Variants in SNTB1 observed in about 807,000 individuals in gnomAD.
The protein encoded by SNTB1 is syntrophin beta 1.
SNTB1 carries 36 observed loss-of-function variants against 48.9 expected under a neutral mutation model. The observed-to-expected ratio is 0.74, with a 90% CI of 0.56 to 0.97. The LOEUF (loss-of-function observed/expected upper bound fraction) is 0.97. Among genes scored for constraint, SNTB1 ranks in the 50% least tolerant of loss-of-function variants. The pLI is 0.00. For missense variants in SNTB1, 786 were observed against 703.4 expected, an observed-to-expected ratio of 1.12 and a Z score of -1.33; for synonymous variants, 299 against 294.6, an observed-to-expected ratio of 1.01 and a Z score of -0.15.
Position 120,732,863 on chromosome 8 carries a change from A to C in SNTB1, c.572-38955T>G, listed in dbSNP as rs187723907. Among the ~76,000 whole-genome samples the C allele has an allele frequency of 9.8e-4, 150 of 152,320 alleles. 1 individual carries two copies. Among genetic ancestry groups the C allele is most frequent in the African/African-American group, 3.5e-3 (144 of 41,578 alleles). On this transcript the variant is annotated intron_variant, in intron 1 of 6. Transcript: ENST00000517992. ...AGACACCATCTAAAAAACAAAAAGA[A>C]AGAAAAGAAAGAAAGGACATGATAG...
chr8:120,811,334 G>T lies in SNTB1; in HGVS notation c.510C>A (p.Asp170Glu), dbSNP rs145573772. The T allele has an allele frequency of 3.3e-5, 54 of 1,611,978 alleles. No homozygotes were observed. The highest frequency in any genetic ancestry group is 4.2e-5 in the Non-Finnish European group (50 of 1,179,774). The part of the protein sequence containing the change: ...ILSVNGADLR[D>E]ATHDEAVQAL... Reference sequence around the variant, plus strand: ...CCTGCACCGCCTCGTCGTGGGTGGCGTCCCGCAGGTCGGCTCCGTTCACGG... The same window carrying T: ...CCTGCACCGCCTCGTCGTGGGTGGCTTCCCGCAGGTCGGCTCCGTTCACGG... Residue 170 changes from aspartate (D) to glutamate (E), a missense_variant, in exon 1 of 7, where the codon GAC becomes GAA. Coordinates refer to ENST00000517992, the MANE Select transcript of SNTB1 (RefSeq NM_021021.4).
intron 3 of SNTB1, among the ~76,000 whole-genome samples, chr8:120,578,447 T>C (rs964271423): frequency 6.6e-6 from 1 of 152,186 alleles, no homozygotes; most frequent in African/African-American, 2.4e-5. Context: ...CCAAAGGTAT[T>C]CTGATATGAA....
intron 1 of SNTB1, among the ~76,000 whole-genome samples, chr8:120,702,217 C>T (rs1186941483): frequency 1.3e-5 from 2 of 152,160 alleles, no homozygotes; most frequent in African/African-American, 4.8e-5. Flanking sequence ...CCTGTTGCGG[C>T]ACAGGGTGGA....
chr8:120,550,380 A>T (rs971363447), intron 4 of SNTB1, among the ~76,000 whole-genome samples: 2 of 152,010 alleles, frequency 1.3e-5, no homozygotes, highest in Non-Finnish European at 2.9e-5. Flanking sequence ...CGTCTCTACT[A>T]AAAATACAAA....
chr8:120,564,563 GGTTTT>G (rs1563818434), intron 4 of SNTB1, among the ~76,000 whole-genome samples: 1 of 36,236 alleles, frequency 2.8e-5, no homozygotes, highest in African/African-American at 7.8e-5. Flanking sequence ...CTATTATTCT[GGTTTT>G]TTTTTTTTTT....
chr8:120,597,327 A>G (rs141687249), intron 3 of SNTB1, among the ~76,000 whole-genome samples: 2 of 152,298 alleles, frequency 1.3e-5, no homozygotes, highest in African/African-American at 4.8e-5. Context: ...GAGAGAATAA[A>G]TTTCTGTTTT....
At chr8:120,672,181 C>T (rs367712414) in intron 2 of SNTB1, among the ~76,000 whole-genome samples, 7 of 152,094 alleles carry the variant, frequency 4.6e-5, no homozygotes, top group Admixed American at 3.3e-4. Flanking sequence ...TAAGCTATGA[C>T]GTTCAGTAGG....
chr8:120,573,606 T>C (rs6999024), intron 4 of SNTB1, among the ~76,000 whole-genome samples: 32,185 of 152,142 alleles, frequency 0.21, 3,528 homozygotes, highest in Middle Eastern at 0.3. Context: ...CAATAAATCA[T>C]TGCCAAGGCC....
chr8:120,806,822 TAAATA>T (rs1414553616), intron 1 of SNTB1, among the ~76,000 whole-genome samples: 5 of 152,224 alleles, frequency 3.3e-5, no homozygotes, highest in Non-Finnish European at 7.3e-5. Flanking sequence ...CTGTACATCC[TAAATA>T]AAATAAGATT....
chr8:120,744,985 T>C (rs369059121), intron 1 of SNTB1, among the ~76,000 whole-genome samples: 3 of 152,188 alleles, frequency 2.0e-5, no homozygotes, highest in African/African-American at 4.8e-5. Context: ...ATCGTCTTTC[T>C]TGATGTCCTG....
chr8:120,561,341 GAAAA>G (rs1382556427), intron 4 of SNTB1, among the ~76,000 whole-genome samples: 13 of 67,384 alleles, frequency 1.9e-4, no homozygotes, highest in South Asian at 5.4e-4. Flanking sequence ...AAAAAAAAAA[GAAAA>G]AAAGAAAAAA....
intron 3 of SNTB1, among the ~76,000 whole-genome samples, chr8:120,597,769 C>G (rs1394625036): frequency 1.3e-5 from 2 of 152,182 alleles, no homozygotes; most frequent in Non-Finnish European, 2.9e-5. Flanking sequence ...ACTGAGTCAC[C>G]CTGGCAGCAT....
chr8:120,538,715 A>G lies in SNTB1; in HGVS notation c.*162T>C. 1.4e-6 allele frequency: 1 copy of G among 708,256 alleles called. No homozygotes were observed. The highest frequency in any genetic ancestry group is 1.5e-5 in the South Asian group (1 of 67,782). The allele number at this position is 708,256 out of a possible 1,614,324, so 43.9% of individuals were successfully genotyped here. On this transcript the variant is annotated 3_prime_UTR_variant, in exon 7 of 7. Transcript: ENST00000517992. ...GCAGGGTATCCCTTGTAGTTGCTGA[A>G]ACTGACAGAGGAGTCTGGGACAGTT...
chr8:120,649,294 G>T (rs1187308505), intron 2 of SNTB1, among the ~76,000 whole-genome samples: 1 of 149,856 alleles, frequency 6.7e-6, no homozygotes, highest in Non-Finnish European at 1.5e-5. Context: ...CCATCTTTGT[G>T]GTTTTATCTA....
intron 3 of SNTB1, among the ~76,000 whole-genome samples, chr8:120,608,364 G>A (rs1037777006): frequency 2.6e-5 from 4 of 152,148 alleles, no homozygotes; most frequent in African/African-American, 9.7e-5. Context: ...AGATGTGACT[G>A]TATATAGACA....
At chr8:120,635,947 A>C in intron 2 of SNTB1, 1 of 532,068 alleles carries the variant, frequency 1.9e-6, no homozygotes, top group South Asian at 2.2e-5. Context: ...GATTTTCTCC[A>C]AAGCTTTCAG....
intron 3 of SNTB1, among the ~76,000 whole-genome samples, chr8:120,617,150 T>C (rs1020712378): frequency 1.3e-5 from 2 of 152,224 alleles, no homozygotes; most frequent in African/African-American, 4.8e-5. Context: ...GTGTATTTTG[T>C]GTGTGGGCCA....
intron 2 of SNTB1, among the ~76,000 whole-genome samples, chr8:120,691,797 A>T (rs928557754): frequency 6.6e-6 from 1 of 152,224 alleles, no homozygotes; most frequent in Non-Finnish European, 1.5e-5. Context: ...GCCACTTTGC[A>T]GTCTGTGGTC....
intron 1 of SNTB1, among the ~76,000 whole-genome samples, chr8:120,801,144 T>C (rs1205198793): frequency 6.6e-6 from 1 of 151,974 alleles, no homozygotes; most frequent in African/African-American, 2.4e-5. Context: ...GAGGAAAATA[T>C]AGGAATATTA....
Sources: gnomAD v4.1 joint callset for allele counts (sites outside exome capture counted in the v4.1 genomes callset) on GRCh38, gnomAD v4.1.1 for gene constraint, MANE v1.5 for transcripts, NCBI Gene and HGNC (gene_info 2026-07-23, HGNC 2026-07-21) for gene names.